NR3C2: variants seen among roughly 807,000 people sequenced by gnomAD.
NR3C2 encodes the protein nuclear receptor subfamily 3 group C member 2.
In NR3C2, 15 loss-of-function variants were observed where a neutral mutation model predicts 86.4. The observed-to-expected ratio is 0.17, with a 90% CI of 0.12 to 0.27. NR3C2 has a LOEUF of 0.27. Ranked by LOEUF, NR3C2 falls within the 10% of genes least tolerant of loss-of-function variation. The pLI, the probability that NR3C2 is intolerant of heterozygous loss-of-function variation, is 1.00. For missense variants in NR3C2, 960 were observed against 1,195.6 expected (o/e 0.80, Z 2.91); for synonymous variants, 458 against 450.5 (o/e 1.02, Z -0.21).
intron 3 of NR3C2, among the ~76,000 whole-genome samples, chr4:148,240,207 A>C: frequency 6.8e-6 from 1 of 148,132 alleles, no homozygotes; most frequent in East Asian, 2.0e-4. Context: ...TATAAAAATT[A>C]TCAGATTATC....
At chr4:148,138,153 T>G (rs1486630575) in intron 6 of NR3C2, among the ~76,000 whole-genome samples, 1 of 152,234 alleles carries the variant, frequency 6.6e-6, no homozygotes, top group African/African-American at 2.4e-5. Context: ...TCCCTCATTC[T>G]GTAGAAGGGA....
At chr4:148,173,587 G>T (rs1055398659) in intron 4 of NR3C2, among the ~76,000 whole-genome samples, 3 of 152,222 alleles carry the variant, frequency 2.0e-5, no homozygotes, top group Non-Finnish European at 4.4e-5. Context: ...ATTGAGTTTA[G>T]CCCAGGCTGA....
chr4:148,195,506 A>G (rs2149803339), intron 3 of NR3C2, among the ~76,000 whole-genome samples: 1 of 152,362 alleles, frequency 6.6e-6, no homozygotes, highest in African/African-American at 2.4e-5. Flanking sequence ...GATGAACAAG[A>G]CAGACAAAAG....
At chr4:148,137,234 T>C (rs931973023) in intron 6 of NR3C2, among the ~76,000 whole-genome samples, 1 of 152,122 alleles carries the variant, frequency 6.6e-6, no homozygotes, top group Non-Finnish European at 1.5e-5. Context: ...TCCATTATTC[T>C]GCAGAGAAGA....
At chr4:148,276,986 C>T (rs959390754) in intron 2 of NR3C2, among the ~76,000 whole-genome samples, 12 of 152,210 alleles carry the variant, frequency 7.9e-5, no homozygotes, top group Non-Finnish European at 1.2e-4. Flanking sequence ...ACACAATTTA[C>T]TGTATGTTCA....
At chr4:148,329,090 G>T (rs1353375586) in intron 2 of NR3C2, among the ~76,000 whole-genome samples, 1 of 152,188 alleles carries the variant, frequency 6.6e-6, no homozygotes, top group Non-Finnish European at 1.5e-5. Flanking sequence ...GGGTCTGGAA[G>T]CTGGTCACAT....
Position 148,239,081 on chromosome 4 carries a change from A to C in NR3C2, c.1897+20897T>G, listed in dbSNP as rs541211984. Among the ~76,000 whole-genome samples, 5 of 152,336 alleles carry C rather than the reference A, an allele frequency of 3.3e-5. No individual in the cohort carries two copies. The South Asian group carries it at 1.0e-3, about 32-fold the overall frequency. ...AATAGACGTAGAGGCATGAGTGAAA[A>C]GTGATGAAACTAGAGAGGGACAGGC... On this transcript the variant is annotated intron_variant, in intron 3 of 8. Coordinates refer to ENST00000358102, the MANE Select transcript of NR3C2 (RefSeq NM_000901.5).
At chr4:148,416,169 GAA>G (rs1478034947) in intron 2 of NR3C2, among the ~76,000 whole-genome samples, 3 of 152,014 alleles carry the variant, frequency 2.0e-5, no homozygotes, top group African/African-American at 7.3e-5. Context: ...AATTCACTGG[GAA>G]AAAAGTTATT....
intron 3 of NR3C2, among the ~76,000 whole-genome samples, chr4:148,236,139 A>AATTCAGAAATTCAG (rs1339724944): frequency 6.6e-6 from 1 of 152,190 alleles, no homozygotes; most frequent in Non-Finnish European, 1.5e-5. Context: ...TTTCTGAGGA[A>AATTCAGAAATTCAG]GTGGGAAAAA....
At chr4:148,401,238 C>T (rs1052423379) in intron 2 of NR3C2, among the ~76,000 whole-genome samples, 8 of 152,188 alleles carry the variant, frequency 5.3e-5, no homozygotes, top group Admixed American at 5.2e-4. Flanking sequence ...GAATCATCCT[C>T]ACATGGTGCT....
chr4:148,190,109 A>G (rs919412615), intron 4 of NR3C2, among the ~76,000 whole-genome samples: 2 of 151,636 alleles, frequency 1.3e-5, no homozygotes, highest in African/African-American at 4.8e-5. Flanking sequence ...TTGTTTCTCT[A>G]CTTCTTTGAG....
At chr4:148,128,388 T>C (rs1732853539) in intron 6 of NR3C2, among the ~76,000 whole-genome samples, 1 of 152,226 alleles carries the variant, frequency 6.6e-6, no homozygotes, top group Non-Finnish European at 1.5e-5. Flanking sequence ...TGCCCCAAAT[T>C]AAATGTAATC....
chr4:148,260,172 G>T, intron 2 of NR3C2, 55 bp from the exon 3 acceptor site: 1 of 1,606,666 alleles, frequency 6.2e-7, no homozygotes, highest in Non-Finnish European at 8.5e-7. Flanking sequence ...CATTTAACAT[G>T]CTGCACAGCT....
chr4:148,208,299 C>T (rs910115978), intron 3 of NR3C2: 1 of 152,252 alleles, frequency 6.6e-6, no homozygotes, highest in East Asian at 1.9e-4. Context: ...GTAATGGTAC[C>T]TCCTTGCAGG....
At chr4:148,109,647 G>C (rs1731961881) in intron 8 of NR3C2, among the ~76,000 whole-genome samples, 1 of 152,138 alleles carries the variant, frequency 6.6e-6, no homozygotes, top group African/African-American at 2.4e-5. Context: ...AGAAATCCAT[G>C]TATGTCCCGA....
At chr4:148,444,629 C>A, upstream of NR3C2, 2 of 986,430 alleles carry the variant, frequency 2.0e-6, no homozygotes, top group South Asian at 4.7e-5. Context: ...ATTGGCTGAT[C>A]GGCGGTGAGG....
chr4:148,228,908 T>C (rs577521780), intron 3 of NR3C2, among the ~76,000 whole-genome samples: 1 of 152,032 alleles, frequency 6.6e-6, no homozygotes, highest in South Asian at 2.1e-4. Context: ...AGGCAAACTA[T>C]CCGCAGGAAA....
At chr4:148,130,808 TGTTTTG>T (rs774025853) in intron 6 of NR3C2, among the ~76,000 whole-genome samples, 2 of 58,178 alleles carry the variant, frequency 3.4e-5, no homozygotes, top group African/African-American at 9.8e-5. Context: ...TGTTTTGTTT[TGTTTTG>T]TTTTGTTTTT....
chr4:148,430,198 G>A lies in NR3C2; in HGVS notation c.1757+4906C>T, dbSNP rs912498247. ...AAGTCTAAGTCCGTAGTATGTCACC[G>A]GTATGAAAATTGCATTAAGTGGAAT... On this transcript the variant is annotated intron_variant, in intron 2 of 8. Transcript: ENST00000358102. Among the ~76,000 whole-genome samples the A allele has an allele frequency of 6.6e-5, 10 of 152,016 alleles. No individual in the cohort carries two copies. In the South Asian group the frequency reaches 8.3e-4, roughly 13 times the overall value.
Sources: gnomAD v4.1 joint callset for allele counts (sites outside exome capture counted in the v4.1 genomes callset) on GRCh38, gnomAD v4.1.1 for gene constraint, MANE v1.5 for transcripts, NCBI Gene and HGNC (gene_info 2026-07-23, HGNC 2026-07-21) for gene names.